The following IGFBP3 variants were observed in gnomAD, a reference collection of about 807,000 sequenced individuals.
IGFBP3 encodes insulin like growth factor binding protein 3.
IGFBP3 carries 9 observed loss-of-function variants against 28.6 expected under a neutral mutation model. The observed-to-expected ratio is 0.31, with a 90% CI of 0.19 to 0.55. The LOEUF (loss-of-function observed/expected upper bound fraction) is 0.55. IGFBP3 is among the 20% of genes least tolerant of loss of function. The pLI, the probability that IGFBP3 is intolerant of heterozygous loss-of-function variation, is 0.93. For missense variants in IGFBP3, 382 were observed against 428.9 expected (o/e 0.89, Z 0.97); for synonymous variants, 185 against 188.2 (o/e 0.98, Z 0.14).
Position 45,916,669 on chromosome 7 carries a change from TG to T in IGFBP3, c.631-3del, listed in dbSNP as rs1426292146. On this transcript the variant is annotated splice_polypyrimidine_tract_variant and splice_region_variant and intron_variant, in intron 2 of 4. Coordinates refer to ENST00000613132, the MANE Select transcript of IGFBP3 (RefSeq NM_000598.5). ...TTCCATTTCTCTACGGCAGGGACCC[TG>T]GGGATCAGGAAGGACCAGAGCAACA... 2.5e-6 allele frequency: 4 copies of T among 1,612,156 alleles called. No homozygotes were observed. The highest frequency in any genetic ancestry group is 2.5e-6 in the Non-Finnish European group (3 of 1,178,374).
chr7:45,921,251 C>A lies in IGFBP3; in HGVS notation c.-111G>T. On this transcript the variant is annotated 5_prime_UTR_variant, in exon 1 of 5. Transcript: ENST00000613132. Reference sequence around the variant, plus strand: ...GGCAGGAAGCGGCTGATCCTCAGCGCCCAGCCGCAGTGCTCGCATCTGGGC... The same window carrying A: ...GGCAGGAAGCGGCTGATCCTCAGCGACCAGCCGCAGTGCTCGCATCTGGGC... 1 of 1,309,356 alleles carries A rather than the reference C, an allele frequency of 7.6e-7. No homozygotes were observed. The highest frequency in any genetic ancestry group is 1.3e-5 in the South Asian group (1 of 78,078). The allele number at this position is 1,309,356 out of a possible 1,614,324, so 81.1% of individuals were successfully genotyped here. A position where few individuals can be genotyped will look rare whatever the true frequency, so the allele number is the denominator to read the frequency against.
At chr7:45,915,603 A>T (rs1205953603) in intron 3 of IGFBP3, among the ~76,000 whole-genome samples, 1 of 151,462 alleles carries the variant, frequency 6.6e-6, no homozygotes. Flanking sequence ...TAATATTACT[A>T]TATCTTAAAT....
In IGFBP3 at chr7:45,917,240, G is replaced by A. The variant is rs771869961; in HGVS notation, c.603C>T (p.Ser201=). Reference sequence around the variant, plus strand: ...ATTCTGTCTCCCGCTTGGACTCGGAGGAGAAGTTCTGGGTATCTGTGCTCT... The same window carrying A: ...ATTCTGTCTCCCGCTTGGACTCGGAAGAGAAGTTCTGGGTATCTGTGCTCT... ...ESQSTDTQNF[S]SESKRETEYG... The change falls in exon 2 of 5, where the codon TCC becomes TCT. Residue 201 remains serine (S), a synonymous_variant. Transcript: ENST00000613132. The A allele has an allele frequency of 3.1e-6, 5 of 1,613,840 alleles. No individual in the cohort carries two copies. Among genetic ancestry groups the A allele is most frequent in the East Asian group, 2.2e-5 (1 of 44,834 alleles).
chr7:45,917,108 G>A (rs1292275151), intron 2 of IGFBP3, 105 bp downstream of exon 2: 1 of 903,704 alleles, frequency 1.1e-6, no homozygotes, highest in South Asian at 1.5e-5. Context: ...CCACCCATCA[G>A]CCAGGCGCTG....
At position 45,912,927 on chromosome 7, in the gene IGFBP3, G is replaced by C. The variant is rs1784563212; in HGVS notation, c.*923C>G. 1 of 152,196 alleles carries C rather than the reference G, an allele frequency of 6.6e-6. No individual in the cohort carries two copies. Among genetic ancestry groups the C allele is most frequent in the African/African-American group, 2.4e-5 (1 of 41,440 alleles). 9.4% of individuals were successfully genotyped at this position (152,196 alleles called of 1,614,324 possible). On this transcript the variant is annotated 3_prime_UTR_variant, in exon 5 of 5. Transcript: ENST00000613132. ...TTGTGCTAAGGAGGACAAAAGATGA[G>C]AGATGAAAATAAAGCTTTGCCTTTA...
At chr7:45,918,727 C>T (rs1784645639) in intron 1 of IGFBP3, among the ~76,000 whole-genome samples, 1 of 152,192 alleles carries the variant, frequency 6.6e-6, no homozygotes, top group Non-Finnish European at 1.5e-5. Context: ...AGATGCTCTG[C>T]TCTCCCCTGG....
chr7:45,917,573 TAAAA>T, intron 1 of IGFBP3, 134 bp from the exon 2 acceptor site: 1 of 581,522 alleles, frequency 1.7e-6, no homozygotes, highest in Non-Finnish European at 2.9e-6. Context: ...TTTTTTTTTT[TAAAA>T]TACCTCGATG....
chr7:45,918,958 C>T (rs1312947306), intron 1 of IGFBP3, among the ~76,000 whole-genome samples: 1 of 152,114 alleles, frequency 6.6e-6, no homozygotes, highest in Non-Finnish European at 1.5e-5. Flanking sequence ...TTAATCTTAG[C>T]TTGCTTTCTT....
At chr7:45,920,529 C>T (rs775060408) in intron 1 of IGFBP3, 7 of 436,984 alleles carry the variant, frequency 1.6e-5, no homozygotes, top group Non-Finnish European at 2.8e-5. Flanking sequence ...GTACTCTGCA[C>T]TTAGAGAATC....
intron 1 of IGFBP3, chr7:45,920,286 A>T (rs1414798275): frequency 6.0e-6 from 1 of 167,192 alleles, no homozygotes. Flanking sequence ...TCAGTATTTT[A>T]AAAGAGAGGT....
At chr7:45,918,432 G>A (rs985829684) in intron 1 of IGFBP3, among the ~76,000 whole-genome samples, 18 of 152,324 alleles carry the variant, frequency 1.2e-4, no homozygotes, top group Admixed American at 9.8e-4. Flanking sequence ...TTCAAGACTG[G>A]ATCTGCAGCC....
At position 45,916,532 on chromosome 7, in the gene IGFBP3, T is replaced by G; in HGVS notation, c.750+16A>C. 1.2e-6 allele frequency: 2 copies of G among 1,607,290 alleles called. No individual in the cohort carries two copies. Among genetic ancestry groups the G allele is most frequent in the Non-Finnish European group, 1.7e-6 (2 of 1,174,640 alleles). On this transcript the variant is annotated intron_variant, in intron 3 of 4. Coordinates refer to ENST00000613132, the MANE Select transcript of IGFBP3 (RefSeq NM_000598.5). ...TCAACAGAAGAGGAAGAAAACACAC[T>G]GAGGACCTCACTCACCTGCTTTTTC...
At position 45,912,349 on chromosome 7, in the gene IGFBP3, A is replaced by G. The variant is rs1477788937; in HGVS notation, c.*1501T>C. 2 of 152,102 alleles carry G rather than the reference A, an allele frequency of 1.3e-5. No individual in the cohort carries two copies. The highest frequency in any genetic ancestry group is 2.1e-4 in the South Asian group (1 of 4,830). 9.4% of individuals were successfully genotyped at this position (152,102 alleles called of 1,614,324 possible). ...GAGATGGTCAATAACAAAGGGAAAG[A>G]TATTTTTTTAATGGTAAAAACTTTA... On this transcript the variant is annotated 3_prime_UTR_variant, in exon 5 of 5. Coordinates refer to ENST00000613132, the MANE Select transcript of IGFBP3 (RefSeq NM_000598.5).
intron 1 of IGFBP3, 90 bp from the exon 2 acceptor site, chr7:45,917,529 G>T: frequency 9.4e-7 from 1 of 1,062,322 alleles, no homozygotes. Flanking sequence ...CAGGTCACAT[G>T]TAAATGACAA....
At position 45,917,261 on chromosome 7, in the gene IGFBP3, G is replaced by A. The variant is rs150156575; in HGVS notation, c.582C>T (p.Ser194=). 1.3e-4 allele frequency: 205 copies of A among 1,614,030 alleles called. No homozygotes were observed. The African/African-American group carries it at 2.3e-3, about 18-fold the overall frequency. ...CGGAGGAGAAGTTCTGGGTATCTGT[G>A]CTCTGAGACTCGTAGTCAACTTTGT... is the stretch of plus-strand genomic sequence containing the variant. The part of the protein sequence containing the change: ...QRYKVDYESQ[S]TDTQNFSSES... The change falls in exon 2 of 5, where the codon AGC becomes AGT. Residue 194 remains serine (S), a synonymous_variant. Coordinates refer to ENST00000613132, the MANE Select transcript of IGFBP3 (RefSeq NM_000598.5).
rs1465460956 is a variant in IGFBP3, at chr7:45,913,781, C to T, written c.*69G>A. The T allele has an allele frequency of 6.6e-6, 1 of 152,586 alleles. No homozygotes were observed. The highest frequency in any genetic ancestry group is 2.4e-5 in the African/African-American group (1 of 41,458). The allele number at this position is 152,586 out of a possible 1,614,324, so 9.5% of individuals were successfully genotyped here. On this transcript the variant is annotated 3_prime_UTR_variant, in exon 5 of 5. Transcript: ENST00000613132. ...ATCGAGGCTGTAGCCAGCTGCTGGTCATGTCCTTGGCAGTCTTTTGTGCAA... is the reference window on the plus strand; with the variant it reads ...ATCGAGGCTGTAGCCAGCTGCTGGTTATGTCCTTGGCAGTCTTTTGTGCAA...
Position 45,913,265 on chromosome 7 carries a change from T to C in IGFBP3, c.*585A>G, listed in dbSNP as rs750574411. 6.6e-6 allele frequency: 1 copy of C among 152,108 alleles called. No individual in the cohort carries two copies. The highest frequency in any genetic ancestry group is 1.5e-5 in the Non-Finnish European group (1 of 68,020). 9.4% of individuals were successfully genotyped at this position (152,108 alleles called of 1,614,324 possible). On this transcript the variant is annotated 3_prime_UTR_variant, in exon 5 of 5. Coordinates refer to ENST00000613132, the MANE Select transcript of IGFBP3 (RefSeq NM_000598.5). ...ACAAGTAGGACTCCACCTTATTTTC[T>C]CCAATAGTCCCCAAGCAGTACAGGT...
rs549369873 is a variant in IGFBP3, at chr7:45,916,432, G to C, written c.750+116C>G. The C allele has an allele frequency of 4.0e-5, 41 of 1,014,198 alleles. 1 individual carries two copies. The South Asian group carries it at 6.0e-4, about 15-fold the overall frequency. The allele number at this position is 1,014,198 out of a possible 1,614,324, so 62.8% of individuals were successfully genotyped here. On this transcript the variant is annotated intron_variant, in intron 3 of 4. Transcript: ENST00000613132. ...AGACTGGCACCAAGTCCTGGGCACT[G>C]GTGCTGCACAGGCTCAGAGTTAGAG...
At chr7:45,920,665 C>T in intron 1 of IGFBP3, 73 bp downstream of exon 1, 2 of 1,262,196 alleles carry the variant, frequency 1.6e-6, no homozygotes, top group Non-Finnish European at 2.0e-6. Context: ...GCAGCGGCAC[C>T]CAGCAACCCC....
Sources: gnomAD v4.1 joint callset for allele counts (sites outside exome capture counted in the v4.1 genomes callset) on GRCh38, gnomAD v4.1.1 for gene constraint, MANE v1.5 for transcripts, NCBI Gene and HGNC (gene_info 2026-07-23, HGNC 2026-07-21) for gene names.